The following FOXP2 variants were observed in gnomAD, a reference collection of about 807,000 sequenced individuals.
FOXP2 encodes forkhead box P2, also known as forkhead box protein P2.
FOXP2 carries 12 observed loss-of-function variants against 115.8 expected under a neutral mutation model. The ratio of observed to expected loss-of-function variants is 0.10; its 90% CI spans 0.07 to 0.17. The LOEUF (loss-of-function observed/expected upper bound fraction) is 0.17, where lower values mean the gene tolerates loss of function less well. Ranked by LOEUF, FOXP2 falls within the 10% of genes least tolerant of loss-of-function variation. The pLI is 1.00. For synonymous variants in FOXP2, 328 were observed against 297.7 expected (o/e 1.10, Z -1.05); for missense variants, 629 against 843.5 (o/e 0.75, Z 3.15).
intron 16 of FOXP2, chr7:114,665,664 T>A (rs1377028989): frequency 1.3e-5 from 2 of 152,142 alleles, no homozygotes; most frequent in East Asian, 3.8e-4. Context: ...AACCATTACT[T>A]CTTCAAAATG....
At chr7:114,304,357 T>A (rs1216152736) in intron 2 of FOXP2, among the ~76,000 whole-genome samples, 1 of 151,966 alleles carries the variant, frequency 6.6e-6, no homozygotes, top group East Asian at 1.9e-4. Flanking sequence ...TATCATTCAT[T>A]TTTATCCTTC....
At chr7:114,595,082 A>C (rs555581860) in intron 3 of FOXP2, among the ~76,000 whole-genome samples, 2 of 152,072 alleles carry the variant, frequency 1.3e-5, no homozygotes, top group African/African-American at 4.8e-5. Flanking sequence ...TACTTTGAGG[A>C]AACATTCTTA....
At chr7:114,269,146 A>G (rs1393930047) in intron 1 of FOXP2, among the ~76,000 whole-genome samples, 2 of 152,170 alleles carry the variant, frequency 1.3e-5, no homozygotes, top group East Asian at 1.9e-4. Flanking sequence ...TGTTGGACAA[A>G]CAATTTGATA....
At chr7:114,158,754 G>A (rs1401023194), upstream of FOXP2, among the ~76,000 whole-genome samples, 1 of 152,134 alleles carries the variant, frequency 6.6e-6, no homozygotes, top group Non-Finnish European at 1.5e-5. Flanking sequence ...ACAAATGAGA[G>A]ACCAGTAACT....
chr7:114,226,747 TTTC>T (rs1794757675), intron 1 of FOXP2, among the ~76,000 whole-genome samples: 1 of 152,168 alleles, frequency 6.6e-6, no homozygotes, highest in Admixed American at 6.6e-5. Flanking sequence ...TTATTATGTC[TTTC>T]TTATTTATCT....
intron 3 of FOXP2, among the ~76,000 whole-genome samples, chr7:114,565,273 C>T (rs1234135606): frequency 6.6e-6 from 1 of 151,940 alleles, no homozygotes; most frequent in Non-Finnish European, 1.5e-5. Flanking sequence ...GATGGAGGGA[C>T]CATTTTCATT....
At chr7:114,655,949 A>G (rs1806562556) in intron 10 of FOXP2, among the ~76,000 whole-genome samples, 1 of 152,172 alleles carries the variant, frequency 6.6e-6, no homozygotes, top group Admixed American at 6.5e-5. Context: ...CCCAACCTTG[A>G]CTATATTCAG....
chr7:114,090,097 ATTAG>A (rs1425737840), intron 1 of FOXP2, among the ~76,000 whole-genome samples: 1 of 151,900 alleles, frequency 6.6e-6, no homozygotes, highest in African/African-American at 2.4e-5. Flanking sequence ...TAAATCAGCT[ATTAG>A]TTATAATACT....
chr7:114,307,345 C>T (rs1797037730), intron 2 of FOXP2, among the ~76,000 whole-genome samples: 1 of 152,024 alleles, frequency 6.6e-6, no homozygotes, highest in Admixed American at 6.6e-5. Flanking sequence ...AATAACTAGC[C>T]AGGACAGACT....
chr7:114,425,588 T>C (rs751625690), intron 1 of FOXP2, among the ~76,000 whole-genome samples: 1 of 151,686 alleles, frequency 6.6e-6, no homozygotes, highest in African/African-American at 2.4e-5. Context: ...AAACATTTAT[T>C]ACTGTAGAGA....
intron 8 of FOXP2, 100 bp from the exon 9 acceptor site, chr7:114,652,103 A>C: frequency 9.3e-7 from 1 of 1,070,948 alleles, no homozygotes; most frequent in East Asian, 2.5e-5. Flanking sequence ...TTCCCAGTGC[A>C]CAGAAACATC....
At chr7:114,610,790 A>G (rs1192412414) in intron 3 of FOXP2, among the ~76,000 whole-genome samples, 4 of 149,974 alleles carry the variant, frequency 2.7e-5, no homozygotes, top group African/African-American at 9.8e-5. Flanking sequence ...ATATGCCACC[A>G]TGTCTGACTA....
intron 1 of FOXP2, among the ~76,000 whole-genome samples, chr7:114,252,957 G>A (rs533467472): frequency 2.0e-5 from 3 of 152,252 alleles, no homozygotes; most frequent in Non-Finnish European, 4.4e-5. Flanking sequence ...TCTACACACT[G>A]CTTTAAATGT....
intron 3 of FOXP2, among the ~76,000 whole-genome samples, chr7:114,552,812 A>G (rs184833783): frequency 9.7e-4 from 148 of 152,276 alleles, no homozygotes; most frequent in African/African-American, 3.5e-3. Flanking sequence ...AAAATAAGGA[A>G]TATTTAGAAA....
At chr7:114,317,332 G>T (rs1054483598) in intron 2 of FOXP2, among the ~76,000 whole-genome samples, 13 of 152,164 alleles carry the variant, frequency 8.5e-5, no homozygotes, top group Non-Finnish European at 1.9e-4. Context: ...ATAACTTAGA[G>T]ATGCTTTATT....
intron 2 of FOXP2, among the ~76,000 whole-genome samples, chr7:114,318,293 C>T (rs1053188258): frequency 1.3e-5 from 2 of 150,928 alleles, no homozygotes; most frequent in Non-Finnish European, 2.9e-5. Flanking sequence ...CCTACCCATT[C>T]TTCAAGTTCC....
At chr7:114,184,300 G>A (rs372126156) in intron 1 of FOXP2, among the ~76,000 whole-genome samples, 4 of 152,078 alleles carry the variant, frequency 2.6e-5, no homozygotes, top group Non-Finnish European at 5.9e-5. Flanking sequence ...TACTAGACTC[G>A]TTAACGTAGT....
chr7:114,349,054 T>C (rs1370909684), intron 2 of FOXP2, among the ~76,000 whole-genome samples: 1 of 152,122 alleles, frequency 6.6e-6, no homozygotes, highest in South Asian at 2.1e-4. Context: ...TTATATGTCA[T>C]GTAGAATAAG....
At chr7:114,124,869 T>C (rs1030359732) in intron 1 of FOXP2, among the ~76,000 whole-genome samples, 1 of 152,080 alleles carries the variant, frequency 6.6e-6, no homozygotes, top group South Asian at 2.1e-4. Flanking sequence ...AAGACACCTG[T>C]GATAATTGCT....
Sources: gnomAD v4.1 joint callset for allele counts (sites outside exome capture counted in the v4.1 genomes callset) on GRCh38, gnomAD v4.1.1 for gene constraint, MANE v1.5 for transcripts, NCBI Gene and HGNC (gene_info 2026-07-23, HGNC 2026-07-21) for gene names.